The following ARHGAP29 variants were observed in gnomAD, a reference collection of about 807,000 sequenced individuals.
ARHGAP29 encodes the protein Rho GTPase activating protein 29, also known as rho GTPase-activating protein 29.
A neutral mutation model predicts 122.6 loss-of-function variants in ARHGAP29; 43 were observed. The ratio of observed to expected loss-of-function variants is 0.35; its 90% CI spans 0.27 to 0.45. The LOEUF (loss-of-function observed/expected upper bound fraction) is 0.45. Among genes scored for constraint, ARHGAP29 ranks in the 20% least tolerant of loss-of-function variants. The pLI is 1.00. For synonymous variants in ARHGAP29, 506 were observed against 497.1 expected, an observed-to-expected ratio of 1.02 and a Z score of -0.24; for missense variants, 1,303 against 1,477.2, an observed-to-expected ratio of 0.88 and a Z score of 1.93.
Position 94,178,071 on chromosome 1 carries a change from A to G in ARHGAP29, c.2577T>C (p.Pro859=). Reference sequence around the variant, plus strand: ...ACTCTGCAAGGGAGGAGATGGTGATAGGAGCAGTTGTGGGCCTTGGCCTAA... The same window carrying G: ...ACTCTGCAAGGGAGGAGATGGTGATGGGAGCAGTTGTGGGCCTTGGCCTAA... ...SLIRPRPTTA[P]ITISSLAEYS... The change falls in exon 21 of 23, where the codon CCT becomes CCC. Residue 859 remains proline, a synonymous_variant. Coordinates refer to ENST00000260526, the MANE Select transcript of ARHGAP29 (RefSeq NM_004815.4). The G allele has an allele frequency of 6.2e-7, 1 of 1,614,214 alleles. No homozygotes were observed. The highest frequency in any genetic ancestry group is 1.1e-5 in the South Asian group (1 of 91,088).
rs760204034 is a variant in ARHGAP29 at position 94,189,243 on chromosome 1, T to C, written c.1549A>G (p.Arg517Gly). The change falls in exon 14 of 23, where the codon AGA becomes GGA. Residue 517 changes from arginine to glycine, a missense_variant. Physicochemically the swap from Arg to Gly is moderately radical, Grantham distance 125. Coordinates refer to ENST00000260526, the MANE Select transcript of ARHGAP29 (RefSeq NM_004815.4). ...GTTATATCTGCACTGTTAGAGCATC[T>C]GTCCTCTTCAATTTTATTAGAACTG... ...PDSSNKIEED[R>G]CSNSADITGP... 6.2e-6 allele frequency: 10 copies of C among 1,612,690 alleles called. No individual in the cohort carries two copies. In the South Asian group the frequency reaches 7.7e-5, roughly 12 times the overall value.
At position 94,247,505 on chromosome 1, in the gene ARHGAP29, G is replaced by T. The variant is rs532727780; in HGVS notation, c.-32-15862C>A. 7.6e-3 allele frequency among the ~76,000 whole-genome samples: 1,145 copies of T among 151,158 alleles called. 11 individuals are homozygous for T. The highest frequency in any genetic ancestry group is 0.011 in the Non-Finnish European group (750 of 67,716). Reference sequence around the variant, plus strand: ...GCAACTAGCCGGCGCCCGCGCGGGCGACCCCAGCCCGGAGCCACCACCGCC... The same window carrying T: ...GCAACTAGCCGGCGCCCGCGCGGGCTACCCCAGCCCGGAGCCACCACCGCC... On this transcript the variant is annotated intron_variant and NMD_transcript_variant, in intron 1 of 25. Transcript: ENST00000552844.
At chr1:94,289,662 T>C in the ARHGAP29 span, among the ~76,000 whole-genome samples, 1 of 152,238 alleles carries the variant, frequency 6.6e-6, no homozygotes. Context: ...TTGAGATACG[T>C]TCCGTCAATA....
chr1:94,236,771 C>A (rs938458415), intron 1 of ARHGAP29, among the ~76,000 whole-genome samples: 1 of 152,076 alleles, frequency 6.6e-6, no homozygotes, highest in African/African-American at 2.4e-5. Flanking sequence ...AAACTCTCAA[C>A]GAAACCCAAA....
At chr1:94,274,027 G>A (rs1011856377) in intron 1 of ARHGAP29, among the ~76,000 whole-genome samples, 5 of 152,114 alleles carry the variant, frequency 3.3e-5, no homozygotes, top group Admixed American at 6.6e-5. Context: ...AAAAAAGAAC[G>A]CTGTAAGACA....
intron 3 of ARHGAP29, among the ~76,000 whole-genome samples, chr1:94,214,855 T>C (rs1451732848): frequency 1.3e-5 from 2 of 152,042 alleles, no homozygotes; most frequent in East Asian, 1.9e-4. Flanking sequence ...GACCACAACC[T>C]TGGGAAAAAA....
intron 20 of ARHGAP29, among the ~76,000 whole-genome samples, chr1:94,179,321 C>T (rs916813372): frequency 1.3e-5 from 2 of 152,052 alleles, no homozygotes; most frequent in Non-Finnish European, 2.9e-5. Flanking sequence ...AAGTGCCAGG[C>T]GCGGTGGCTC....
At chr1:94,187,869 G>A (rs1484311021) in intron 15 of ARHGAP29, among the ~76,000 whole-genome samples, 1 of 152,134 alleles carries the variant, frequency 6.6e-6, no homozygotes, top group Non-Finnish European at 1.5e-5. Context: ...TTCTAAAGAA[G>A]GCAGCAAAGT....
At chr1:94,219,139 T>C (rs1652127381) in intron 3 of ARHGAP29, among the ~76,000 whole-genome samples, 1 of 152,168 alleles carries the variant, frequency 6.6e-6, no homozygotes, top group Admixed American at 6.5e-5. Context: ...AGGATTGCTG[T>C]TACCTTGTCT....
the ARHGAP29 span, among the ~76,000 whole-genome samples, chr1:94,307,003 C>T: frequency 6.6e-6 from 1 of 152,042 alleles, no homozygotes; most frequent in South Asian, 2.1e-4. Flanking sequence ...AAAGTTACAC[C>T]TCTCTTCATT....
chr1:94,218,032 C>T (rs1570558482), intron 3 of ARHGAP29, among the ~76,000 whole-genome samples: 1 of 152,288 alleles, frequency 6.6e-6, no homozygotes, highest in East Asian at 1.9e-4. Context: ...TCTACTTACC[C>T]TCTGCCTTTC....
At chr1:94,181,593 A>G (rs1649466369) in intron 19 of ARHGAP29, among the ~76,000 whole-genome samples, 2 of 152,172 alleles carry the variant, frequency 1.3e-5, no homozygotes. Flanking sequence ...AGAGGCATCA[A>G]GTGTTTCCCG....
intron 1 of ARHGAP29, among the ~76,000 whole-genome samples, chr1:94,273,097 G>A (rs1017043727): frequency 3.3e-5 from 5 of 152,172 alleles, no homozygotes; most frequent in African/African-American, 1.2e-4. Context: ...TAACTCCTCA[G>A]ATGGATAGAT....
At chr1:94,296,109 T>A in the ARHGAP29 span, among the ~76,000 whole-genome samples, 1 of 152,186 alleles carries the variant, frequency 6.6e-6, no homozygotes. Context: ...AGTCTGAGAA[T>A]ATTAAATGAA....
chr1:94,204,984 C>T (rs1401326950), intron 7 of ARHGAP29, 77 bp downstream of exon 7: 1 of 1,344,562 alleles, frequency 7.4e-7, no homozygotes, highest in African/African-American at 1.5e-5. Flanking sequence ...AATTCTATTA[C>T]TCATAATCTG....
chr1:94,298,570 C>T, the ARHGAP29 span, among the ~76,000 whole-genome samples: 1 of 152,152 alleles, frequency 6.6e-6, no homozygotes, highest in South Asian at 2.1e-4. Context: ...GGGTTTATAG[C>T]ATTTTACACA....
intron 12 of ARHGAP29, among the ~76,000 whole-genome samples, chr1:94,200,486 C>CA (rs934616100): frequency 1.7e-4 from 26 of 152,186 alleles, no homozygotes; most frequent in Admixed American, 3.3e-4. Flanking sequence ...AACAGTTTGG[C>CA]AGTTTCTTAT....
intron 7 of ARHGAP29, 122 bp from the exon 8 acceptor site, chr1:94,204,116 G>T: frequency 1.4e-5 from 8 of 562,714 alleles, no homozygotes; most frequent in Non-Finnish European, 2.1e-5. Context: ...TGTGTATCAA[G>T]ATATAATACA....
chr1:94,266,413 G>A (rs890441398), intron 1 of ARHGAP29, among the ~76,000 whole-genome samples: 9 of 152,136 alleles, frequency 5.9e-5, no homozygotes, highest in South Asian at 2.1e-4. Context: ...GGGAGTTATC[G>A]GAGCTTTGAA....
Sources: allele counts gnomAD v4.1 joint callset (sites outside exome capture counted in the v4.1 genomes callset), GRCh38; gene constraint gnomAD v4.1.1; transcripts MANE v1.5; gene names NCBI Gene and HGNC (gene_info 2026-07-23, HGNC 2026-07-21).